Variants in ANKS1B observed in about 807,000 individuals in gnomAD.
ANKS1B encodes the protein ankyrin repeat and sterile alpha motif domain containing 1B.
Under a neutral mutation model 148.3 loss-of-function variants are expected in ANKS1B, and 36 were observed. The observed-to-expected ratio is 0.24, with a 90% CI of 0.19 to 0.32. ANKS1B has a LOEUF of 0.32. ANKS1B is among the 10% of genes least tolerant of loss of function. The pLI is 1.00. For synonymous variants in ANKS1B, 542 were observed against 560.8 expected, an observed-to-expected ratio of 0.97 and a Z score of 0.47; for missense variants, 1,157 against 1,542.6, an observed-to-expected ratio of 0.75 and a Z score of 4.19.
At chr12:99,467,091 A>G (rs1406338403) in intron 10 of ANKS1B, among the ~76,000 whole-genome samples, 1 of 152,236 alleles carries the variant, frequency 6.6e-6, no homozygotes, top group Non-Finnish European at 1.5e-5. Context: ...CTTATCCACC[A>G]TGATCAAGTG....
intron 14 of ANKS1B, among the ~76,000 whole-genome samples, chr12:99,199,824 G>A (rs1601620862): frequency 6.6e-6 from 1 of 152,182 alleles, no homozygotes; most frequent in South Asian, 2.1e-4. Flanking sequence ...TCTGTAGAGG[G>A]ACACGTACTC....
chr12:99,688,107 C>A (rs1459286855), intron 8 of ANKS1B, among the ~76,000 whole-genome samples: 1 of 152,140 alleles, frequency 6.6e-6, no homozygotes, highest in Non-Finnish European at 1.5e-5. Context: ...CAATTTAGGT[C>A]TCTTCTTTTC....
rs186203478 is a variant in ANKS1B at position 99,595,852 on chromosome 12, T to C, written c.1272+59215A>G. Among the ~76,000 whole-genome samples the C allele has an allele frequency of 2.7e-3, 404 of 152,064 alleles. 3 individuals carry two copies. The highest frequency in any genetic ancestry group is 9.2e-3 in the African/African-American group (382 of 41,558). ...TTCAATTCAACCACTACATTATTCC[T>C]GGGGAATTTTCTCACCAACTTTTGA... is the stretch of plus-strand genomic sequence containing the variant. On this transcript the variant is annotated intron_variant, in intron 9 of 26. Coordinates refer to ENST00000683438, the MANE Select transcript of ANKS1B (RefSeq NM_001352186.2).
chr12:99,526,767 G>T (rs946177506), intron 9 of ANKS1B, among the ~76,000 whole-genome samples: 1 of 152,278 alleles, frequency 6.6e-6, no homozygotes, highest in Non-Finnish European at 1.5e-5. Flanking sequence ...GTTACTTTGG[G>T]TATGATATGG....
intron 17 of ANKS1B, among the ~76,000 whole-genome samples, chr12:99,037,313 G>A (rs939810394): frequency 1.2e-4 from 19 of 152,084 alleles, no homozygotes; most frequent in Admixed American, 9.8e-4. Flanking sequence ...TCAGGAGTTC[G>A]AGACCAGCCT....
intron 24 of ANKS1B, among the ~76,000 whole-genome samples, chr12:98,778,681 G>T (rs1374321667): frequency 6.6e-6 from 1 of 152,186 alleles, no homozygotes; most frequent in African/African-American, 2.4e-5. Context: ...ACTTGAGGAT[G>T]ATCCTTCAAC....
intron 12 of ANKS1B, among the ~76,000 whole-genome samples, chr12:99,381,951 A>G (rs2093657937): frequency 6.6e-6 from 1 of 152,240 alleles, no homozygotes; most frequent in Admixed American, 6.5e-5. Context: ...TGGCAAAGCA[A>G]CTAGAACATG....
At chr12:99,906,189 T>C (rs2093774737) in intron 1 of ANKS1B, among the ~76,000 whole-genome samples, 1 of 152,182 alleles carries the variant, frequency 6.6e-6, no homozygotes, top group Non-Finnish European at 1.5e-5. Context: ...AAGTCTGGTA[T>C]TGACCCTAAA....
intron 9 of ANKS1B, among the ~76,000 whole-genome samples, chr12:99,580,504 A>C (rs1011027003): frequency 1.2e-4 from 18 of 152,202 alleles, no homozygotes; most frequent in Non-Finnish European, 2.2e-4. Context: ...CAGGCATAGA[A>C]AGACAAATAT....
intron 8 of ANKS1B, among the ~76,000 whole-genome samples, chr12:99,681,465 C>G (rs112816192): frequency 4.8e-4 from 73 of 152,310 alleles, no homozygotes; most frequent in Middle Eastern, 6.8e-3. Flanking sequence ...ACTGGAGTAG[C>G]TGCTGGTATC....
At chr12:99,052,078 G>A (rs2099966462) in intron 17 of ANKS1B, among the ~76,000 whole-genome samples, 1 of 152,178 alleles carries the variant, frequency 6.6e-6, no homozygotes, top group African/African-American at 2.4e-5. Flanking sequence ...ATTTCTCATT[G>A]TTACTGTTAA....
At chr12:99,149,644 C>G (rs2074297259) in intron 15 of ANKS1B, among the ~76,000 whole-genome samples, 1 of 152,090 alleles carries the variant, frequency 6.6e-6, no homozygotes, top group African/African-American at 2.4e-5. Flanking sequence ...ATATAACTGT[C>G]AGCTAGTTAT....
At chr12:99,141,302 A>C (rs2070673463) in intron 15 of ANKS1B, among the ~76,000 whole-genome samples, 2 of 151,958 alleles carry the variant, frequency 1.3e-5, no homozygotes, top group Non-Finnish European at 2.9e-5. Flanking sequence ...ATCCAATGCA[A>C]CATGGCTTCC....
At chr12:98,924,603 G>A (rs1165993352) in intron 17 of ANKS1B, among the ~76,000 whole-genome samples, 1 of 152,092 alleles carries the variant, frequency 6.6e-6, no homozygotes, top group Non-Finnish European at 1.5e-5. Context: ...CAAAGACACA[G>A]CATACTAGGG....
chr12:99,107,910 A>T (rs2153693614), intron 15 of ANKS1B, among the ~76,000 whole-genome samples: 1 of 152,028 alleles, frequency 6.6e-6, no homozygotes, highest in East Asian at 1.9e-4. Context: ...TAAAACAAAG[A>T]TTTTTTTAAA....
At chr12:99,255,822 G>C (rs2075192290) in intron 12 of ANKS1B, among the ~76,000 whole-genome samples, 1 of 152,074 alleles carries the variant, frequency 6.6e-6, no homozygotes, top group Non-Finnish European at 1.5e-5. Context: ...AGAAAATATA[G>C]TGTGTATGAA....
chr12:99,198,331 T>C (rs2081633090), intron 14 of ANKS1B, among the ~76,000 whole-genome samples: 1 of 152,154 alleles, frequency 6.6e-6, no homozygotes. Context: ...TGAAAAATCA[T>C]TGCACTGGTT....
intron 1 of ANKS1B, among the ~76,000 whole-genome samples, chr12:99,905,210 A>G (rs758182547): frequency 1.2e-4 from 19 of 152,220 alleles, no homozygotes; most frequent in Non-Finnish European, 2.6e-4. Flanking sequence ...CATTAAAAAG[A>G]AAGTGCCCTG....
intron 11 of ANKS1B, among the ~76,000 whole-genome samples, chr12:99,416,230 A>G (rs552450046): frequency 3.3e-5 from 5 of 152,302 alleles, no homozygotes; most frequent in Admixed American, 6.5e-5. Flanking sequence ...GTATTCAATG[A>G]CATGGATGTT....
Sources: allele counts gnomAD v4.1 joint callset (sites outside exome capture counted in the v4.1 genomes callset), GRCh38; gene constraint gnomAD v4.1.1; transcripts MANE v1.5; gene names NCBI Gene and HGNC (gene_info 2026-07-23, HGNC 2026-07-21).